The following CTNNA3 variants were observed in gnomAD, a reference collection of about 807,000 sequenced individuals.
CTNNA3 encodes catenin alpha-3.
In CTNNA3, 76 loss-of-function variants were observed where a neutral mutation model predicts 95.7. The ratio of observed to expected loss-of-function variants is 0.79; its 90% CI spans 0.66 to 0.96. CTNNA3 has a LOEUF of 0.96. Among genes scored for constraint, CTNNA3 ranks in the 40% least tolerant of loss-of-function variants. The probability of loss-of-function intolerance (pLI) is 0.00; values close to 1 mark genes in which losing one functional copy is unlikely to be tolerated. For synonymous variants in CTNNA3, 431 were observed against 374.4 expected, an observed-to-expected ratio of 1.15 and a Z score of -1.74; for missense variants, 1,191 against 1,089.8, an observed-to-expected ratio of 1.09 and a Z score of -1.31.
intron 4 of CTNNA3, among the ~76,000 whole-genome samples, chr10:67,523,791 A>T (rs1303568667): frequency 6.6e-6 from 1 of 152,142 alleles, no homozygotes; most frequent in Non-Finnish European, 1.5e-5. Context: ...AATTTTAATG[A>T]CCTTTATATG....
chr10:67,087,374 A>G (rs1857363838), intron 7 of CTNNA3, among the ~76,000 whole-genome samples: 1 of 152,044 alleles, frequency 6.6e-6, no homozygotes, highest in Non-Finnish European at 1.5e-5. Context: ...ATATTGTGGA[A>G]GTTATTAGAT....
At chr10:66,781,189 G>C (rs1280133011) in intron 7 of CTNNA3, among the ~76,000 whole-genome samples, 1 of 152,106 alleles carries the variant, frequency 6.6e-6, no homozygotes. Flanking sequence ...AATTCAAACA[G>C]CAGGAAAATG....
In CTNNA3 at chr10:66,369,687, T is replaced by C. The variant is rs142736697; in HGVS notation, c.1732+9465A>G. Among the ~76,000 whole-genome samples, 64 of 152,276 alleles carry C rather than the reference T, an allele frequency of 4.2e-4. 1 individual carries two copies. Among genetic ancestry groups the C allele is most frequent in the African/African-American group, 1.4e-3 (59 of 41,568 alleles). On this transcript the variant is annotated intron_variant, in intron 12 of 17. Coordinates refer to ENST00000433211, the MANE Select transcript of CTNNA3 (RefSeq NM_013266.4). The stretch of plus-strand genomic sequence containing the variant: ...TATTAATAAAGCTTGTAGATAACAT[T>C]GTCATTTGCAAATGTTGGCCGGCTA...
At chr10:66,745,327 C>G (rs930744804) in intron 9 of CTNNA3, among the ~76,000 whole-genome samples, 1 of 152,166 alleles carries the variant, frequency 6.6e-6, no homozygotes, top group African/African-American at 2.4e-5. Context: ...TGGCCAAGGT[C>G]AAACAGTAAA....
chr10:66,734,569 T>C (rs1272411623), intron 9 of CTNNA3, among the ~76,000 whole-genome samples: 2 of 152,158 alleles, frequency 1.3e-5, no homozygotes, highest in African/African-American at 2.4e-5. Context: ...CATTACATTA[T>C]GAATTTTATT....
At chr10:67,641,935 C>T (rs1359076408) in intron 2 of CTNNA3, among the ~76,000 whole-genome samples, 1 of 151,928 alleles carries the variant, frequency 6.6e-6, no homozygotes, top group Non-Finnish European at 1.5e-5. Flanking sequence ...TGCAGCACAC[C>T]AACATGGCAC....
chr10:65,917,460 C>CTT lies in CTNNA3; in HGVS notation c.*2869_*2870insAA, dbSNP rs1554813759. 7.8e-5 allele frequency: 4 copies of CTT among 51,154 alleles called. No homozygotes were observed. Among genetic ancestry groups the CTT allele is most frequent in the Non-Finnish European group, 1.1e-4 (3 of 26,658 alleles). 3.2% of individuals were successfully genotyped at this position (51,154 alleles called of 1,614,324 possible). A position where few individuals can be genotyped will look rare whatever the true frequency, so the allele number is the denominator to read the frequency against. On this transcript the variant is annotated 3_prime_UTR_variant, in exon 18 of 18. Coordinates refer to ENST00000433211, the MANE Select transcript of CTNNA3 (RefSeq NM_013266.4). ...AAGGCCATTTAGTGGATTATTATTT[C>CTT]GTTTTTTTTTAAATTTTCATTCTAA...
At chr10:67,239,190 A>G (rs1330221976) in intron 5 of CTNNA3, among the ~76,000 whole-genome samples, 1 of 152,176 alleles carries the variant, frequency 6.6e-6, no homozygotes, top group Non-Finnish European at 1.5e-5. Context: ...GAGTATATGC[A>G]TGCCCTGTTA....
At chr10:66,642,884 A>G (rs758427053) in intron 9 of CTNNA3, among the ~76,000 whole-genome samples, 5 of 152,126 alleles carry the variant, frequency 3.3e-5, no homozygotes, top group Non-Finnish European at 7.4e-5. Flanking sequence ...ATTTCCAGAC[A>G]AGTTCTAGCG....
At chr10:67,299,767 A>G (rs1207906098) in intron 5 of CTNNA3, among the ~76,000 whole-genome samples, 2 of 152,222 alleles carry the variant, frequency 1.3e-5, no homozygotes, top group Non-Finnish European at 2.9e-5. Context: ...CCATTGCTAC[A>G]TTGCAAGGCC....
chr10:67,703,282 C>A (rs1349778860), intron 1 of CTNNA3, among the ~76,000 whole-genome samples: 3 of 151,712 alleles, frequency 2.0e-5, no homozygotes, highest in Non-Finnish European at 2.9e-5. Context: ...TTTATGAGGC[C>A]AGCATCATCC....
At chr10:66,705,555 G>C (rs1215019721) in intron 9 of CTNNA3, among the ~76,000 whole-genome samples, 2 of 151,958 alleles carry the variant, frequency 1.3e-5, no homozygotes, top group Non-Finnish European at 2.9e-5. Flanking sequence ...TGCCGTTTAA[G>C]TCATCTACAT....
intron 11 of CTNNA3, among the ~76,000 whole-genome samples, chr10:66,469,805 A>G (rs941928255): frequency 3.3e-5 from 5 of 151,872 alleles, no homozygotes; most frequent in African/African-American, 1.2e-4. Flanking sequence ...AGTAGAATCA[A>G]TAAAATCTGG....
chr10:67,682,241 G>T (rs991536674), intron 1 of CTNNA3, among the ~76,000 whole-genome samples: 1 of 151,592 alleles, frequency 6.6e-6, no homozygotes, highest in Non-Finnish European at 1.5e-5. Context: ...GCAGGAGAAT[G>T]GTGTGAACAC....
chr10:66,994,650 C>CA (rs1222679520), intron 7 of CTNNA3, among the ~76,000 whole-genome samples: 1 of 152,106 alleles, frequency 6.6e-6, no homozygotes, highest in Non-Finnish European at 1.5e-5. Flanking sequence ...AAATTGCTGA[C>CA]AAAATCATGA....
At chr10:66,772,404 G>A (rs1024564492) in intron 8 of CTNNA3, among the ~76,000 whole-genome samples, 6 of 148,364 alleles carry the variant, frequency 4.0e-5, no homozygotes, top group East Asian at 2.0e-4. Context: ...CAGCCTGGGC[G>A]GTACAGTGAG....
At chr10:67,632,141 C>T (rs1839163618) in intron 2 of CTNNA3, among the ~76,000 whole-genome samples, 1 of 148,218 alleles carries the variant, frequency 6.7e-6, no homozygotes, top group South Asian at 2.1e-4. Flanking sequence ...CACACACACA[C>T]ACACACACAC....
At chr10:67,498,598 C>T (rs10997669) in intron 5 of CTNNA3, among the ~76,000 whole-genome samples, 10,967 of 152,222 alleles carry the variant, frequency 0.072, 479 homozygotes, top group South Asian at 0.14. Flanking sequence ...TTTGTGTCCT[C>T]TCTTATTTCC....
At position 66,923,453 on chromosome 10, in the gene CTNNA3, C is replaced by T. The variant is rs114709800; in HGVS notation, c.1048-147929G>A. On this transcript the variant is annotated intron_variant, in intron 7 of 17. Coordinates refer to ENST00000433211, the MANE Select transcript of CTNNA3 (RefSeq NM_013266.4). The stretch of plus-strand genomic sequence containing the variant: ...GGGAGAGTGAGGGGAAAACTCAGAG[C>T]CTTTCAAGCAACAGAGGTGTGAGAG... 6.5e-3 allele frequency among the ~76,000 whole-genome samples: 983 copies of T among 152,158 alleles called. 8 individuals are homozygous for T. Among genetic ancestry groups the T allele is most frequent in the African/African-American group, 0.021 (870 of 41,500 alleles).
Sources: gnomAD v4.1 joint callset for allele counts (sites outside exome capture counted in the v4.1 genomes callset) on GRCh38, gnomAD v4.1.1 for gene constraint, MANE v1.5 for transcripts, NCBI Gene and HGNC (gene_info 2026-07-23, HGNC 2026-07-21) for gene names.